BCL7A: variants seen among roughly 807,000 people sequenced by gnomAD.
BCL7A encodes BAF chromatin remodeling complex subunit BCL7A.
Under a neutral mutation model 28.4 loss-of-function variants are expected in BCL7A, and 11 were observed. The observed-to-expected ratio is 0.39, with a 90% CI of 0.24 to 0.64. The LOEUF (loss-of-function observed/expected upper bound fraction) is 0.64. Among genes scored for constraint, BCL7A ranks in the 30% least tolerant of loss-of-function variants. The pLI is 0.50. For missense variants in BCL7A, 222 were observed against 274.8 expected (o/e 0.81, Z 1.36); for synonymous variants, 123 against 103.3 (o/e 1.19, Z -1.15).
In BCL7A at chr12:122,053,686, C is replaced by CA. The variant is rs1884245845; in HGVS notation, c.440-1118dup. Among the ~76,000 whole-genome samples, 6 of 132,326 alleles carry CA rather than the reference C, an allele frequency of 4.5e-5. No homozygotes were observed. The South Asian group carries it at 1.8e-3, about 39-fold the overall frequency. The allele number at this position is 132,326 out of a possible 152,430, so 86.8% of individuals were successfully genotyped here. A position where few individuals can be genotyped will look rare whatever the true frequency, so the allele number is the denominator to read the frequency against. ...CCACTGCCTCCTCCCAAGCTGCACC[C>CA]ACCCCCCCGCCCCATCCAGCCTGCA... On this transcript the variant is annotated intron_variant, in intron 4 of 5. Coordinates refer to ENST00000261822, the MANE Select transcript of BCL7A (RefSeq NM_001024808.3).
intron 2 of BCL7A, among the ~76,000 whole-genome samples, chr12:122,032,628 C>A (rs572574825): frequency 6.6e-6 from 1 of 152,284 alleles, no homozygotes; most frequent in South Asian, 2.1e-4. Context: ...AGACCAGCCC[C>A]GATTAACCTG....
At chr12:122,025,242 A>T (rs538838713) in intron 1 of BCL7A, among the ~76,000 whole-genome samples, 2 of 152,220 alleles carry the variant, frequency 1.3e-5, no homozygotes, top group East Asian at 1.9e-4. Flanking sequence ...TCACGCCTGT[A>T]ATCCCAGAGC....
intron 3 of BCL7A, among the ~76,000 whole-genome samples, chr12:122,038,508 A>C (rs564547372): frequency 3.4e-4 from 51 of 150,886 alleles, no homozygotes; most frequent in South Asian, 1.7e-3. Flanking sequence ...AGCCCCCCCA[A>C]CCAGCCATAC....
intron 4 of BCL7A, among the ~76,000 whole-genome samples, chr12:122,049,265 TAAG>T (rs1274636538): frequency 1.4e-5 from 2 of 139,486 alleles, no homozygotes; most frequent in African/African-American, 2.7e-5. Context: ...AAGAAGAAAG[TAAG>T]AAAGTGTGGT....
At chr12:122,025,326 A>G (rs994079091) in intron 1 of BCL7A, among the ~76,000 whole-genome samples, 17 of 151,382 alleles carry the variant, frequency 1.1e-4, no homozygotes, top group African/African-American at 3.9e-4. Context: ...ACCAAAAAAA[A>G]AGAAAAAGAA....
rs1565945432 is a variant in BCL7A, at chr12:122,061,458, C to G, written c.*2295C>G. On this transcript the variant is annotated 3_prime_UTR_variant, in exon 6 of 6. Coordinates refer to ENST00000261822, the MANE Select transcript of BCL7A (RefSeq NM_001024808.3). ...CAGGCAAAGCGCCAGCAGCCCTGCA[C>G]TCCACGCTGGCCAAGAAGGCCTTCC... The G allele has an allele frequency of 2.6e-5, 6 of 232,230 alleles. No individual in the cohort carries two copies. The Admixed American group carries it at 3.4e-4, about 13-fold the overall frequency. 14.4% of individuals were successfully genotyped at this position (232,230 alleles called of 1,614,324 possible).
intron 4 of BCL7A, among the ~76,000 whole-genome samples, chr12:122,054,051 T>G (rs1205051963): frequency 6.6e-6 from 1 of 152,138 alleles, no homozygotes; most frequent in East Asian, 1.9e-4. Context: ...CCTGCAATGG[T>G]CAGTCATTGC....
chr12:122,023,553 G>A (rs1434159660), intron 1 of BCL7A, among the ~76,000 whole-genome samples: 1 of 152,232 alleles, frequency 6.6e-6, no homozygotes, highest in Non-Finnish European at 1.5e-5. Flanking sequence ...GGCCTCCTAT[G>A]GAAAGGGCTG....
In BCL7A at chr12:122,059,433, G is replaced by A. The variant is rs966690634; in HGVS notation, c.*270G>A. 1.1e-5 allele frequency: 4 copies of A among 359,186 alleles called. No homozygotes were observed. The highest frequency in any genetic ancestry group is 2.1e-5 in the Non-Finnish European group (4 of 194,762). 22.2% of individuals were successfully genotyped at this position (359,186 alleles called of 1,614,324 possible). A position where few individuals can be genotyped will look rare whatever the true frequency, so the allele number is the denominator to read the frequency against. ...CTCAGGAGTGTCTGCACACTGTCTCGGAAGCCAGGATTCCATTTGTGTTGC... is the reference window on the plus strand; with the variant it reads ...CTCAGGAGTGTCTGCACACTGTCTCAGAAGCCAGGATTCCATTTGTGTTGC... On this transcript the variant is annotated 3_prime_UTR_variant, in exon 6 of 6. Coordinates refer to ENST00000261822, the MANE Select transcript of BCL7A (RefSeq NM_001024808.3). This position sits in a 1 kb window ranked among gnomAD's most constrained non-coding sequence, Gnocchi z 4.0.
intron 4 of BCL7A, among the ~76,000 whole-genome samples, chr12:122,047,194 G>C (rs1029876446): frequency 1.3e-5 from 2 of 151,790 alleles, no homozygotes; most frequent in South Asian, 4.2e-4. Context: ...GAACCACCAC[G>C]CCTGGACTAT....
chr12:122,051,854 T>TTC lies in BCL7A; in HGVS notation c.440-2939_440-2938dup, dbSNP rs1202518506. Among the ~76,000 whole-genome samples, 741 of 147,866 alleles carry TTC rather than the reference T, an allele frequency of 5.0e-3. 26 individuals are homozygous for TTC. Among genetic ancestry groups the TTC allele is most frequent in the African/African-American group, 0.018 (694 of 38,722 alleles). ...AAATAGAGTATAACAATAACATGAT[T>TTC]TCTCTCTCTCTCTTTTTTTTTTTTT... On this transcript the variant is annotated intron_variant, in intron 4 of 5. Transcript: ENST00000261822.
chr12:122,044,212 T>A, intron 4 of BCL7A, 159 bp downstream of exon 4: 1 of 873,514 alleles, frequency 1.1e-6, no homozygotes. Flanking sequence ...GTGGGGGAAT[T>A]AAAAAAATCA....
At chr12:122,042,862 T>C (rs1203628500) in intron 3 of BCL7A, among the ~76,000 whole-genome samples, 1 of 152,174 alleles carries the variant, frequency 6.6e-6, no homozygotes, top group Non-Finnish European at 1.5e-5. Context: ...TAATAGCTTT[T>C]AAAACCCAGA....
chr12:122,030,116 A>T (rs967960055), intron 1 of BCL7A, among the ~76,000 whole-genome samples: 1 of 152,160 alleles, frequency 6.6e-6, no homozygotes, highest in African/African-American at 2.4e-5. Flanking sequence ...CCACACATTC[A>T]GGCTGTGTAA....
At chr12:122,024,104 T>G (rs546525698) in intron 1 of BCL7A, among the ~76,000 whole-genome samples, 1 of 152,248 alleles carries the variant, frequency 6.6e-6, no homozygotes, top group East Asian at 1.9e-4. Context: ...CTGGAGGCCT[T>G]CCAGCCCGCT....
chr12:122,053,073 A>G (rs1335728549), intron 4 of BCL7A, among the ~76,000 whole-genome samples: 1 of 150,736 alleles, frequency 6.6e-6, no homozygotes, highest in African/African-American at 2.4e-5. Context: ...TCGGCTCCCA[A>G]TCCAGGAGGT....
chr12:122,039,498 AT>A (rs1419371982), intron 3 of BCL7A, among the ~76,000 whole-genome samples: 3 of 140,464 alleles, frequency 2.1e-5, no homozygotes, highest in Non-Finnish European at 4.6e-5. Flanking sequence ...AAATATATAT[AT>A]ATATATAATA....
intron 1 of BCL7A, among the ~76,000 whole-genome samples, chr12:122,023,673 G>C (rs1883532814): frequency 6.6e-6 from 1 of 152,164 alleles, no homozygotes; most frequent in South Asian, 2.1e-4. Flanking sequence ...CCAAGTCGTC[G>C]GTGTCTCGGG....
chr12:122,035,757 C>T (rs7971538), intron 3 of BCL7A, among the ~76,000 whole-genome samples: 17,556 of 152,204 alleles, frequency 0.12, 2,253 homozygotes, highest in African/African-American at 0.32. Flanking sequence ...TTCTTCGCCC[C>T]CTCATATAAA....
Sources: gnomAD v4.1 joint callset for allele counts (sites outside exome capture counted in the v4.1 genomes callset) on GRCh38, gnomAD v4.1.1 for gene constraint, Gnocchi (gnomAD v3.1) non-coding constraint, MANE v1.5 for transcripts, NCBI Gene and HGNC (gene_info 2026-07-23, HGNC 2026-07-21) for gene names.